CHST9: variants seen among roughly 807,000 people sequenced by gnomAD.
CHST9 encodes the protein GalNAc-4-sulfotransferase 2.
CHST9 carries 41 observed loss-of-function variants against 44.4 expected under a neutral mutation model. The observed-to-expected ratio is 0.92, with a 90% confidence interval of 0.72 to 1.20. CHST9 has a LOEUF of 1.20. Among genes scored for constraint, CHST9 ranks in the 50% most tolerant of loss-of-function variants. The pLI is 0.00. For missense variants in CHST9, 504 were observed against 516.5 expected, an observed-to-expected ratio of 0.98 and a Z score of 0.23; for synonymous variants, 171 against 178.4, an observed-to-expected ratio of 0.96 and a Z score of 0.33.
chr18:27,053,262 G>GA (rs772678534), intron 2 of CHST9, among the ~76,000 whole-genome samples: 1,842 of 44,698 alleles, frequency 0.041, 42 homozygotes, highest in Non-Finnish European at 0.048. Flanking sequence ...GAAGAAGAAG[G>GA]AGAAGGAGAA....
At chr18:27,055,752 A>G (rs2057647368) in intron 2 of CHST9, among the ~76,000 whole-genome samples, 1 of 152,186 alleles carries the variant, frequency 6.6e-6, no homozygotes, top group Non-Finnish European at 1.5e-5. Flanking sequence ...CCTCAATGCA[A>G]GATTTTCTTA....
At chr18:27,168,603 T>G (rs1330416439) in intron 1 of CHST9, among the ~76,000 whole-genome samples, 1 of 152,152 alleles carries the variant, frequency 6.6e-6, no homozygotes, top group Non-Finnish European at 1.5e-5. Flanking sequence ...GAGTTCAGTT[T>G]TGATCTTGTT....
At chr18:27,159,301 G>C (rs541068293) in intron 1 of CHST9, among the ~76,000 whole-genome samples, 4 of 152,246 alleles carry the variant, frequency 2.6e-5, no homozygotes, top group Admixed American at 6.5e-5. Context: ...TATAAGGAAG[G>C]GATCCAGTTT....
chr18:26,944,523 A>G (rs2056133414), intron 4 of CHST9, among the ~76,000 whole-genome samples, 157 bp from the exon 5 acceptor site: 2 of 152,220 alleles, frequency 1.3e-5, no homozygotes, highest in African/African-American at 4.8e-5. Flanking sequence ...AACCACTTCA[A>G]TAACTGGGGA....
intron 2 of CHST9, among the ~76,000 whole-genome samples, chr18:27,140,215 TC>T (rs1450103741): frequency 6.6e-6 from 1 of 152,192 alleles, no homozygotes; most frequent in East Asian, 1.9e-4. Flanking sequence ...ATCCAGGCTT[TC>T]CCCTCTGCAA....
intron 4 of CHST9, among the ~76,000 whole-genome samples, chr18:26,973,410 T>G (rs2056577948): frequency 6.6e-6 from 1 of 152,066 alleles, no homozygotes; most frequent in Non-Finnish European, 1.5e-5. Context: ...GAGGCGAAGG[T>G]GCGGAACAGT....
chr18:27,043,173 T>C (rs1598664981), intron 3 of CHST9, among the ~76,000 whole-genome samples: 2 of 152,124 alleles, frequency 1.3e-5, no homozygotes, highest in African/African-American at 4.8e-5. Flanking sequence ...TTTGTTAATG[T>C]TGGGGATGTT....
chr18:27,086,842 CAAGGGTCTCTATAAAGTAAGG>C (rs1327786190), intron 2 of CHST9, among the ~76,000 whole-genome samples: 1 of 152,000 alleles, frequency 6.6e-6, no homozygotes, highest in East Asian at 1.9e-4. Context: ...CCTGTTTCTT[CAAGGGTCTCTATAAAGTAAGG>C]AAGTTGTCAG....
intron 2 of CHST9, among the ~76,000 whole-genome samples, chr18:27,098,382 A>T (rs2058138298): frequency 2.6e-5 from 4 of 152,140 alleles, no homozygotes; most frequent in Admixed American, 2.6e-4. Context: ...ATCATAGTGG[A>T]AGATGGCGTG....
At chr18:27,087,987 T>C (rs2058029452) in intron 2 of CHST9, among the ~76,000 whole-genome samples, 1 of 152,226 alleles carries the variant, frequency 6.6e-6, no homozygotes, top group African/African-American at 2.4e-5. Context: ...TGATGACTTG[T>C]CAAAAAGCCA....
chr18:26,972,816 C>A (rs2056567261), intron 4 of CHST9, among the ~76,000 whole-genome samples: 1 of 152,132 alleles, frequency 6.6e-6, no homozygotes, highest in South Asian at 2.1e-4. Flanking sequence ...GCTCTGATAC[C>A]AGATTTCCTT....
chr18:27,067,547 T>C (rs1370925836), intron 2 of CHST9, among the ~76,000 whole-genome samples: 1 of 152,206 alleles, frequency 6.6e-6, no homozygotes, highest in Non-Finnish European at 1.5e-5. Flanking sequence ...GGTGGGATAG[T>C]ACCCAAGGTG....
chr18:26,969,370 C>CTGTGTG (rs577001525), intron 4 of CHST9, among the ~76,000 whole-genome samples: 5,942 of 121,734 alleles, frequency 0.049, 188 homozygotes, highest in Middle Eastern at 0.092. Flanking sequence ...TTCTCTCTCT[C>CTGTGTG]TCTCTCTGTG....
At chr18:27,088,476 C>A (rs1248299529) in intron 2 of CHST9, among the ~76,000 whole-genome samples, 1 of 151,378 alleles carries the variant, frequency 6.6e-6, no homozygotes, top group Non-Finnish European at 1.5e-5. Context: ...CTCACTGCAA[C>A]CTCTGCTTCC....
At chr18:27,153,546 C>G (rs28539416) in intron 1 of CHST9, among the ~76,000 whole-genome samples, 5,301 of 138,406 alleles carry the variant, frequency 0.038, 130 homozygotes, top group Middle Eastern at 0.098. Flanking sequence ...CTCTCTCTCT[C>G]TGTGTGTGTG....
At chr18:27,128,221 A>G (rs111717590) in intron 2 of CHST9, among the ~76,000 whole-genome samples, 16 of 152,304 alleles carry the variant, frequency 1.1e-4, no homozygotes, top group African/African-American at 2.9e-4. Flanking sequence ...AGGCTTCTTC[A>G]TGACCCGAGC....
chr18:26,994,917 A>AGT (rs1035220816), intron 4 of CHST9, among the ~76,000 whole-genome samples: 1 of 152,098 alleles, frequency 6.6e-6, no homozygotes, highest in Non-Finnish European at 1.5e-5. Flanking sequence ...CCTAACAAGT[A>AGT]GTATATAGCA....
chr18:27,149,788 C>G (rs1383461103), intron 1 of CHST9, among the ~76,000 whole-genome samples: 1 of 152,068 alleles, frequency 6.6e-6, no homozygotes, highest in East Asian at 1.9e-4. Context: ...CTGTCTTTAT[C>G]TATATCTTAG....
chr18:27,080,030 T>C (rs1336942175), intron 2 of CHST9, among the ~76,000 whole-genome samples: 1 of 152,134 alleles, frequency 6.6e-6, no homozygotes, highest in African/African-American at 2.4e-5. Context: ...GGGGGTTAGA[T>C]TGTGGATATC....
Sources: allele counts gnomAD v4.1 joint callset (sites outside exome capture counted in the v4.1 genomes callset), GRCh38; gene constraint gnomAD v4.1.1; transcripts MANE v1.5; gene names NCBI Gene and HGNC (gene_info 2026-07-23, HGNC 2026-07-21).